The following TANC2 variants were observed in gnomAD, a reference collection of about 807,000 sequenced individuals.
TANC2 encodes the protein protein TANC2.
A neutral mutation model predicts 210.5 loss-of-function variants in TANC2; 26 were observed. The observed-to-expected ratio is 0.12, with a 90% CI of 0.09 to 0.17. The LOEUF (loss-of-function observed/expected upper bound fraction) is 0.17, where lower values mean the gene tolerates loss of function less well. Among genes scored for constraint, TANC2 ranks in the 10% least tolerant of loss-of-function variants. The pLI is 1.00. For missense variants in TANC2, 2,129 were observed against 2,608.9 expected, an observed-to-expected ratio of 0.82 and a Z score of 4.01; for synonymous variants, 931 against 967.1, an observed-to-expected ratio of 0.96 and a Z score of 0.69.
chr17:63,348,955 G>A (rs993046872), intron 12 of TANC2, among the ~76,000 whole-genome samples: 1 of 152,190 alleles, frequency 6.6e-6, no homozygotes. Flanking sequence ...TTGTTTTACA[G>A]CATTAGTAGC....
At chr17:63,217,626 A>G (rs1178334132) in intron 7 of TANC2, among the ~76,000 whole-genome samples, 3 of 152,216 alleles carry the variant, frequency 2.0e-5, no homozygotes, top group African/African-American at 7.2e-5. Flanking sequence ...CTTTTGGTCC[A>G]GATTCATTGA....
chr17:63,116,441 C>T (rs1333217515), intron 4 of TANC2, among the ~76,000 whole-genome samples: 3 of 152,192 alleles, frequency 2.0e-5, no homozygotes, highest in African/African-American at 7.2e-5. Flanking sequence ...AAAACTATGA[C>T]AAGAAAACGA....
intron 8 of TANC2, among the ~76,000 whole-genome samples, chr17:63,251,659 C>T (rs1368275728): frequency 6.6e-6 from 1 of 152,072 alleles, no homozygotes; most frequent in South Asian, 2.1e-4. Flanking sequence ...GCCATAGTTC[C>T]CCATTTACTG....
rs1175712885 is a variant in TANC2 at position 63,343,916 on chromosome 17, A to G, written c.1807+3584A>G. Among the ~76,000 whole-genome samples, 6 of 152,192 alleles carry G rather than the reference A, an allele frequency of 3.9e-5. No individual in the cohort carries two copies. In the East Asian group the frequency reaches 5.8e-4, roughly 15 times the overall value. ...GTCTCAAAAAGAAAAAAGAAAGTTA[A>G]TCAGTGTAATTCATCATATTAACAA... On this transcript the variant is annotated intron_variant, in intron 12 of 27. Coordinates refer to ENST00000689528, the Ensembl canonical transcript of TANC2.
At chr17:63,219,996 TAA>T (rs1484413699) in intron 7 of TANC2, among the ~76,000 whole-genome samples, 1 of 151,908 alleles carries the variant, frequency 6.6e-6, no homozygotes, top group Non-Finnish European at 1.5e-5. Context: ...TGGAACCACA[TAA>T]AGAGTCCAAA....
chr17:63,185,658 A>G lies in TANC2; in HGVS notation c.434-8333A>G, dbSNP rs377281563. On this transcript the variant is annotated intron_variant, in intron 5 of 27. Coordinates refer to ENST00000689528, the Ensembl canonical transcript of TANC2. ...GTGTTTCAGTGTTCCTTTGCCCCCT[A>G]CTGTCAGATGCTATTTTGTTTGTTT... Among the ~76,000 whole-genome samples the G allele has an allele frequency of 9.2e-5, 14 of 152,152 alleles. 1 individual carries two copies. In the South Asian group the frequency reaches 1.7e-3, roughly 18 times the overall value.
chr17:63,285,218 CT>C (rs958663231), intron 9 of TANC2, among the ~76,000 whole-genome samples: 21 of 151,630 alleles, frequency 1.4e-4, no homozygotes, highest in Admixed American at 5.9e-4. Flanking sequence ...AGATCATTTA[CT>C]TTTTTTTAAT....
intron 14 of TANC2, among the ~76,000 whole-genome samples, chr17:63,360,771 C>T (rs924061434): frequency 1.3e-5 from 2 of 152,132 alleles, no homozygotes; most frequent in South Asian, 4.1e-4. Context: ...CATGCCCCCC[C>T]TTTCCACCAA....
At chr17:63,064,492 T>C (rs2036123586) in intron 2 of TANC2, among the ~76,000 whole-genome samples, 1 of 152,126 alleles carries the variant, frequency 6.6e-6, no homozygotes, top group Non-Finnish European at 1.5e-5. Context: ...CAAACAATTA[T>C]ACAGTCATTT....
chr17:63,292,644 A>G (rs1041092688), intron 9 of TANC2, among the ~76,000 whole-genome samples: 4 of 152,192 alleles, frequency 2.6e-5, no homozygotes, highest in African/African-American at 9.7e-5. Context: ...AAAAGGGCCA[A>G]TATGTTTTGG....
In TANC2 at chr17:63,421,100, A is replaced by C. The variant is rs368515430; in HGVS notation, c.5370A>C (p.Arg1790=). 3 of 1,613,834 alleles carry C rather than the reference A, an allele frequency of 1.9e-6. No homozygotes were observed. The highest frequency in any genetic ancestry group is 2.5e-6 in the Non-Finnish European group (3 of 1,179,896). Residue 1790 remains arginine, a synonymous_variant, in exon 28 of 28, where the codon CGA becomes CGC. Coordinates refer to ENST00000689528, the Ensembl canonical transcript of TANC2. This position sits in a 1 kb window ranked among gnomAD's most constrained non-coding sequence, Gnocchi z 6.9. ...CACAGCGACCTTCCTCAGCATACCG[A>C]GGTGGCGTGAGATACAGCCAGACAC...
intron 11 of TANC2, among the ~76,000 whole-genome samples, chr17:63,320,711 C>T (rs1366013039): frequency 6.6e-6 from 1 of 152,110 alleles, no homozygotes; most frequent in Non-Finnish European, 1.5e-5. Context: ...TTTATATATA[C>T]CTTGTTTTCT....
chr17:63,190,720 A>G (rs1235148195), intron 5 of TANC2, among the ~76,000 whole-genome samples: 1 of 152,152 alleles, frequency 6.6e-6, no homozygotes, highest in African/African-American at 2.4e-5. Flanking sequence ...GGAAAACCAT[A>G]ATGCACCCTC....
intron 9 of TANC2, among the ~76,000 whole-genome samples, chr17:63,278,034 G>A (rs186525560): frequency 6.6e-6 from 1 of 152,080 alleles, no homozygotes; most frequent in East Asian, 1.9e-4. Context: ...AGCCATGCAC[G>A]GTGGTACACG....
At chr17:63,009,733 TAAAAG>T (rs1293444022) in intron 2 of TANC2, 107 bp downstream of exon 2, 4 of 925,666 alleles carry the variant, frequency 4.3e-6, no homozygotes, top group African/African-American at 1.7e-5. Context: ...ACTTAGAACT[TAAAAG>T]AAAGTTTACA....
intron 9 of TANC2, among the ~76,000 whole-genome samples, chr17:63,269,448 G>A (rs1243568858): frequency 6.6e-6 from 1 of 152,092 alleles, no homozygotes; most frequent in East Asian, 1.9e-4. Context: ...AAGAAGATTG[G>A]ACAGAACTAC....
intron 14 of TANC2, among the ~76,000 whole-genome samples, chr17:63,356,803 T>G (rs566015649): frequency 6.6e-6 from 1 of 152,176 alleles, no homozygotes; most frequent in East Asian, 1.9e-4. Context: ...TAATAATGCC[T>G]TTTTTCTAGA....
At chr17:63,001,465 G>T (rs2033376437) in intron 1 of TANC2, among the ~76,000 whole-genome samples, 1 of 151,060 alleles carries the variant, frequency 6.6e-6, no homozygotes, top group Non-Finnish European at 1.5e-5. Context: ...AGCCTACCAT[G>T]AACTAGGTGT....
At chr17:63,086,803 A>G (rs1268625720) in intron 3 of TANC2, among the ~76,000 whole-genome samples, 1 of 143,990 alleles carries the variant, frequency 6.9e-6, no homozygotes, top group Non-Finnish European at 1.6e-5. Context: ...GGTTTGTAAA[A>G]TGCACCAATC....
Sources: allele counts gnomAD v4.1 joint callset (sites outside exome capture counted in the v4.1 genomes callset), GRCh38; gene constraint gnomAD v4.1.1; non-coding constraint Gnocchi (gnomAD v3.1); transcripts MANE v1.5; gene names NCBI Gene and HGNC (gene_info 2026-07-23, HGNC 2026-07-21).